CACNA2D1: variants seen among roughly 807,000 people sequenced by gnomAD.
The protein encoded by CACNA2D1 is voltage-dependent calcium channel subunit alpha-2/delta-1.
In CACNA2D1, 53 loss-of-function variants were observed where a neutral mutation model predicts 171.5. The ratio of observed to expected loss-of-function variants is 0.31; its 90% CI spans 0.25 to 0.39. The LOEUF is 0.39. Among genes scored for constraint, CACNA2D1 ranks in the 10% least tolerant of loss-of-function variants. CACNA2D1 has a pLI of 1.00. For synonymous variants in CACNA2D1, 442 were observed against 443.1 expected (o/e 1.00, Z 0.03); for missense variants, 903 against 1,299.8 (o/e 0.69, Z 4.69).
At chr7:82,128,481 C>G (rs1476000383) in intron 5 of CACNA2D1, among the ~76,000 whole-genome samples, 1 of 152,164 alleles carries the variant, frequency 6.6e-6, no homozygotes, top group African/African-American at 2.4e-5. Flanking sequence ...AGAGCATAAA[C>G]TTTCCCACAA....
chr7:82,188,273 C>A (rs891229216), intron 3 of CACNA2D1, among the ~76,000 whole-genome samples: 4 of 151,768 alleles, frequency 2.6e-5, no homozygotes, highest in Non-Finnish European at 5.9e-5. Flanking sequence ...TAAAATAGAC[C>A]AAAGTATACT....
In CACNA2D1 at chr7:81,994,922, A is replaced by C; in HGVS notation, c.1680T>G (p.Ile560Met). The change falls in exon 20 of 39, where the codon ATT becomes ATG. Residue 560 changes from isoleucine to methionine, a missense_variant. This residue lies in a region of CACNA2D1 where 623 missense variants were observed against 925.5 expected (regional missense o/e 0.67). Coordinates refer to ENST00000356860, the MANE Select transcript of CACNA2D1 (RefSeq NM_000722.4). ...DIKVEIRNKM[I>M]DGESGEKTFR... ...ATGTTTTTTCTCCACTTTCCCCATCAATCATCTTATTTCGAATCTAAGAGT... is the reference window on the plus strand; with the variant it reads ...ATGTTTTTTCTCCACTTTCCCCATCCATCATCTTATTTCGAATCTAAGAGT... 1 of 1,543,694 alleles carries C rather than the reference A, an allele frequency of 6.5e-7. No individual in the cohort carries two copies. The highest frequency in any genetic ancestry group is 9.0e-7 in the Non-Finnish European group (1 of 1,116,136).
At chr7:82,214,970 G>A (rs1800949921) in intron 3 of CACNA2D1, among the ~76,000 whole-genome samples, 1 of 152,144 alleles carries the variant, frequency 6.6e-6, no homozygotes, top group South Asian at 2.1e-4. Context: ...TTCAAATAAA[G>A]TTTAATGAAA....
chr7:82,099,851 T>C (rs1233605837), intron 6 of CACNA2D1, among the ~76,000 whole-genome samples: 1 of 152,134 alleles, frequency 6.6e-6, no homozygotes, highest in Non-Finnish European at 1.5e-5. Flanking sequence ...ACTTAATACA[T>C]GTACAATTAA....
intron 3 of CACNA2D1, among the ~76,000 whole-genome samples, chr7:82,256,087 G>A (rs1475742659): frequency 6.6e-6 from 1 of 152,094 alleles, no homozygotes; most frequent in African/African-American, 2.4e-5. Flanking sequence ...GACTAGCCTG[G>A]CCAACATGGT....
intron 3 of CACNA2D1, among the ~76,000 whole-genome samples, chr7:82,326,125 T>C (rs924687463): frequency 6.6e-6 from 1 of 152,196 alleles, no homozygotes; most frequent in Non-Finnish European, 1.5e-5. Context: ...ACTGGGATAA[T>C]TAGGTAAATA....
At chr7:82,383,286 C>T (rs10251984) in intron 1 of CACNA2D1, among the ~76,000 whole-genome samples, 11,226 of 152,206 alleles carry the variant, frequency 0.074, 1,278 homozygotes, top group African/African-American at 0.25. Flanking sequence ...TGAGGCTCAA[C>T]TTTTCCATCC....
chr7:82,324,049 A>C (rs1366312020), intron 3 of CACNA2D1, among the ~76,000 whole-genome samples: 1 of 152,166 alleles, frequency 6.6e-6, no homozygotes, highest in Non-Finnish European at 1.5e-5. Context: ...TCTAGCACTG[A>C]GAGATTTAAA....
chr7:82,143,653 G>C (rs78475574), intron 4 of CACNA2D1, among the ~76,000 whole-genome samples: 1 of 151,998 alleles, frequency 6.6e-6, no homozygotes. Flanking sequence ...GGGCTTATAC[G>C]CATCCTGTCC....
intron 3 of CACNA2D1, among the ~76,000 whole-genome samples, chr7:82,267,805 T>A (rs989489077): frequency 1.3e-5 from 2 of 152,092 alleles, no homozygotes; most frequent in African/African-American, 2.4e-5. Flanking sequence ...CCATCCTGGC[T>A]AACACGGTGA....
intron 3 of CACNA2D1, among the ~76,000 whole-genome samples, chr7:82,276,754 CT>C (rs199823327): frequency 0.011 from 1,574 of 138,512 alleles, 19 homozygotes; most frequent in African/African-American, 0.035. Context: ...TTTTCTTTTT[CT>C]TTTTTTTTTT....
chr7:82,374,705 G>T (rs951806088), intron 1 of CACNA2D1, among the ~76,000 whole-genome samples: 2 of 151,414 alleles, frequency 1.3e-5, no homozygotes, highest in African/African-American at 4.9e-5. Flanking sequence ...CAATGTAGTT[G>T]CTTAAATTTT....
intron 15 of CACNA2D1, among the ~76,000 whole-genome samples, chr7:82,008,323 C>G (rs1017305014): frequency 6.6e-6 from 1 of 152,064 alleles, no homozygotes; most frequent in African/African-American, 2.4e-5. Flanking sequence ...AGAAGCAGTA[C>G]TACTTTTCTA....
At chr7:82,095,578 G>C (rs1462183995) in intron 6 of CACNA2D1, among the ~76,000 whole-genome samples, 2 of 152,124 alleles carry the variant, frequency 1.3e-5, no homozygotes, top group African/African-American at 4.8e-5. Flanking sequence ...CTAGGGTTGT[G>C]AAAATTAAAA....
intron 3 of CACNA2D1, among the ~76,000 whole-genome samples, chr7:82,277,256 G>T (rs1269093509): frequency 2.6e-5 from 4 of 152,030 alleles, no homozygotes; most frequent in African/African-American, 9.7e-5. Context: ...AGGCTGTAGT[G>T]CAGTGGCACA....
At chr7:82,136,781 CT>C in intron 4 of CACNA2D1, 105 bp from the exon 5 acceptor site, 1 of 795,834 alleles carries the variant, frequency 1.3e-6, no homozygotes, top group South Asian at 1.6e-5. Context: ...TGTCATCTTT[CT>C]TTCACAATAT....
At chr7:82,074,289 C>T (rs1414630006) in intron 7 of CACNA2D1, among the ~76,000 whole-genome samples, 2 of 152,092 alleles carry the variant, frequency 1.3e-5, no homozygotes, top group South Asian at 2.1e-4. Context: ...TGCAGTGGTA[C>T]GATCTAGGCT....
At chr7:82,412,177 C>A (rs1328015225) in intron 1 of CACNA2D1, among the ~76,000 whole-genome samples, 2 of 151,982 alleles carry the variant, frequency 1.3e-5, no homozygotes, top group Non-Finnish European at 2.9e-5. Flanking sequence ...CAGGCCATAT[C>A]TCACATGTAT....
intron 3 of CACNA2D1, among the ~76,000 whole-genome samples, chr7:82,208,926 T>C (rs1219790673): frequency 6.6e-6 from 1 of 152,222 alleles, no homozygotes; most frequent in African/African-American, 2.4e-5. Flanking sequence ...TTCTAAATAA[T>C]AGGTACATAA....
Sources: gnomAD v4.1 joint callset for allele counts (sites outside exome capture counted in the v4.1 genomes callset) on GRCh38, gnomAD v4.1.1 for gene constraint, gnomAD v4.1.1 regional missense constraint, MANE v1.5 for transcripts, NCBI Gene and HGNC (gene_info 2026-07-23, HGNC 2026-07-21) for gene names.